Variants in GALNT13 observed in about 807,000 individuals in gnomAD.
The protein encoded by GALNT13 is polypeptide N-acetylgalactosaminyltransferase 13, also known as UDP-GalNAc:polypeptide N-acetylgalactosaminyltransferase 13.
GALNT13 carries 28 observed loss-of-function variants against 64.2 expected under a neutral mutation model. The ratio of observed to expected loss-of-function variants is 0.44; its 90% CI spans 0.32 to 0.60. The LOEUF (loss-of-function observed/expected upper bound fraction) is 0.60. GALNT13 is among the 20% of genes least tolerant of loss of function. GALNT13 has a pLI of 0.05. For synonymous variants in GALNT13, 214 were observed against 224.6 expected (o/e 0.95, Z 0.42); for missense variants, 577 against 669.8 (o/e 0.86, Z 1.53).
the GALNT13 span, among the ~76,000 whole-genome samples, chr2:153,216,298 A>G: frequency 3.3e-5 from 5 of 152,010 alleles, 1 homozygote; most frequent in African/African-American, 1.2e-4. Flanking sequence ...TGAGAACATA[A>G]GTTTTTGTTT....
chr2:154,407,224 A>C (rs1389277774), intron 10 of GALNT13, among the ~76,000 whole-genome samples: 1 of 152,290 alleles, frequency 6.6e-6, no homozygotes, highest in Non-Finnish European at 1.5e-5. Flanking sequence ...TGCATACCTT[A>C]CATCTAAAAA....
intron 3 of GALNT13, among the ~76,000 whole-genome samples, chr2:154,007,168 A>G (rs1696310278): frequency 6.6e-6 from 1 of 152,242 alleles, no homozygotes; most frequent in African/African-American, 2.4e-5. Context: ...ATATCATAAT[A>G]GGGCCCTGTG....
At chr2:153,070,659 AC>A in the GALNT13 span, among the ~76,000 whole-genome samples, 1 of 152,210 alleles carries the variant, frequency 6.6e-6, no homozygotes, top group Non-Finnish European at 1.5e-5. Context: ...TATGTATCAA[AC>A]AAAACTAGTG....
In GALNT13 at chr2:153,989,727, T is replaced by C. The variant is rs1574276623; in HGVS notation, c.142+45088T>C. Among the ~76,000 whole-genome samples, 3 of 152,184 alleles carry C rather than the reference T, an allele frequency of 2.0e-5. No individual in the cohort carries two copies. The East Asian group carries it at 5.8e-4, about 29-fold the overall frequency. ...ACTACAAAATACTACAGCAGTCAAA[T>C]ATGCACGTTCCTTTTCCTGCTCTCA... On this transcript the variant is annotated intron_variant, in intron 3 of 12. Coordinates refer to ENST00000392825, the MANE Select transcript of GALNT13 (RefSeq NM_052917.4).
chr2:153,475,064 G>A, the GALNT13 span, among the ~76,000 whole-genome samples: 1 of 152,182 alleles, frequency 6.6e-6, no homozygotes, highest in Non-Finnish European at 1.5e-5. Flanking sequence ...TTAGAATGAG[G>A]GACAAAGAGA....
chr2:154,014,635 C>CTT (rs60950180), intron 3 of GALNT13, among the ~76,000 whole-genome samples: 882 of 77,212 alleles, frequency 0.011, 108 homozygotes, highest in African/African-American at 0.035. Context: ...GATAATTCTC[C>CTT]TTTTTTTTTT....
intron 9 of GALNT13, among the ~76,000 whole-genome samples, chr2:154,334,248 A>G (rs1224064954): frequency 6.6e-6 from 1 of 152,060 alleles, no homozygotes; most frequent in East Asian, 1.9e-4. Context: ...CAAACTTTTG[A>G]AATCCCATTT....
the GALNT13 span, among the ~76,000 whole-genome samples, chr2:153,777,032 T>TTTTG: frequency 2.0e-5 from 3 of 152,280 alleles, no homozygotes; most frequent in Non-Finnish European, 2.9e-5. Context: ...TTTTCCTGTT[T>TTTTG]TTTGTTTGTT....
chr2:153,139,087 T>C, the GALNT13 span, among the ~76,000 whole-genome samples: 3 of 152,102 alleles, frequency 2.0e-5, no homozygotes, highest in African/African-American at 7.2e-5. Flanking sequence ...TGTGACATCA[T>C]TTCATGTTAT....
chr2:154,409,475 G>A, intron 11 of GALNT13: 1 of 219,090 alleles, frequency 4.6e-6, no homozygotes, highest in African/African-American at 2.3e-5. Context: ...TGTATGTTAT[G>A]ATTTTTAAGA....
chr2:154,378,054 G>C (rs1018183636), intron 9 of GALNT13, among the ~76,000 whole-genome samples: 1 of 151,994 alleles, frequency 6.6e-6, no homozygotes, highest in Admixed American at 6.6e-5. Context: ...TCCTTATGGA[G>C]TGCCCCCAAC....
chr2:154,437,414 G>A (rs1291579742), intron 11 of GALNT13: 14 of 545,682 alleles, frequency 2.6e-5, no homozygotes, highest in Non-Finnish European at 3.2e-5. Context: ...GATTTCATCA[G>A]ATATCTTTGA....
At chr2:154,141,750 T>C (rs974809774) in intron 4 of GALNT13, among the ~76,000 whole-genome samples, 4 of 152,180 alleles carry the variant, frequency 2.6e-5, no homozygotes, top group Admixed American at 2.6e-4. Context: ...TTTCACCCTA[T>C]AAAAGTGGTT....
At chr2:153,536,072 TA>T in the GALNT13 span, among the ~76,000 whole-genome samples, 3 of 152,186 alleles carry the variant, frequency 2.0e-5, no homozygotes, top group African/African-American at 7.2e-5. Flanking sequence ...AGTCTGCCCT[TA>T]GGAGAAACTT....
At chr2:153,703,634 G>A in the GALNT13 span, among the ~76,000 whole-genome samples, 1 of 152,148 alleles carries the variant, frequency 6.6e-6, no homozygotes, top group South Asian at 2.1e-4. Context: ...CTAAATGTAG[G>A]GTAGTTAGAT....
At chr2:154,027,592 A>G (rs72868431) in intron 3 of GALNT13, among the ~76,000 whole-genome samples, 10,724 of 152,264 alleles carry the variant, frequency 0.07, 447 homozygotes, top group Middle Eastern at 0.12. Context: ...AAATAAGCTT[A>G]GAACTGTTTA....
the GALNT13 span, among the ~76,000 whole-genome samples, chr2:153,741,344 TCTC>T: frequency 1.3e-5 from 2 of 152,056 alleles, no homozygotes; most frequent in Admixed American, 6.6e-5. Flanking sequence ...TATCAGCTCT[TCTC>T]TAAATCTTTC....
At chr2:154,425,693 G>A (rs1357498746) in intron 11 of GALNT13, among the ~76,000 whole-genome samples, 2 of 152,168 alleles carry the variant, frequency 1.3e-5, no homozygotes, top group Non-Finnish European at 1.5e-5. Context: ...TTCAAATGAG[G>A]TTGGAATAGT....
the GALNT13 span, among the ~76,000 whole-genome samples, chr2:153,467,081 C>T: frequency 1.3e-5 from 2 of 152,012 alleles, no homozygotes; most frequent in Non-Finnish European, 2.9e-5. Context: ...TCGAATAAAA[C>T]ATTTTAGTCA....
Sources: gnomAD v4.1 joint callset for allele counts (sites outside exome capture counted in the v4.1 genomes callset) on GRCh38, gnomAD v4.1.1 for gene constraint, MANE v1.5 for transcripts, NCBI Gene and HGNC (gene_info 2026-07-23, HGNC 2026-07-21) for gene names.